Variants in DENND3 observed in about 807,000 individuals in gnomAD.
DENND3 encodes DENN domain containing 3.
A neutral mutation model predicts 135.1 loss-of-function variants in DENND3; 88 were observed. The ratio of observed to expected loss-of-function variants is 0.65; its 90% CI spans 0.55 to 0.78. The LOEUF is 0.78. Ranked by LOEUF, DENND3 falls within the 30% of genes least tolerant of loss-of-function variation. DENND3 has a pLI of 0.00. For missense variants in DENND3, 1,392 were observed against 1,688.4 expected (o/e 0.82, Z 3.08); for synonymous variants, 693 against 712.3 (o/e 0.97, Z 0.43).
chr8:141,179,876 G>A (rs577926946), intron 16 of DENND3, among the ~76,000 whole-genome samples: 1 of 152,346 alleles, frequency 6.6e-6, no homozygotes, highest in East Asian at 1.9e-4. Flanking sequence ...TAAGGGGCAG[G>A]CCCTGGACGG....
At chr8:141,142,330 C>G (rs754309875) in intron 4 of DENND3, 2 of 455,650 alleles carry the variant, frequency 4.4e-6, no homozygotes, top group Non-Finnish European at 8.8e-6. Flanking sequence ...CAACAGTTCC[C>G]TTTTGTGTCA....
chr8:141,189,995 C>G (rs182841495), intron 19 of DENND3, among the ~76,000 whole-genome samples: 4 of 152,278 alleles, frequency 2.6e-5, no homozygotes, highest in African/African-American at 9.6e-5. Context: ...CTGCGGCCCG[C>G]GGTGGTGGGA....
intron 17 of DENND3, among the ~76,000 whole-genome samples, chr8:141,183,495 A>G (rs1474316149): frequency 2.0e-5 from 3 of 149,858 alleles, no homozygotes; most frequent in African/African-American, 4.9e-5. Context: ...GAGCTTGAGC[A>G]GTCTGCCGGT....
Position 141,168,501 on chromosome 8 carries a change from C to T in DENND3, c.2251C>T (p.Arg751Trp), listed in dbSNP as rs765716871. 30 of 1,610,356 alleles carry T rather than the reference C, an allele frequency of 1.9e-5. No individual in the cohort carries two copies. Among genetic ancestry groups the T allele is most frequent in the East Asian group, 2.2e-5 (1 of 44,798 alleles). ...CGTGAAGGACGCCAGCATCATACACCGGCTGTTCGAGGCCTTGACTGTAGG... is the reference window on the plus strand; with the variant it reads ...CGTGAAGGACGCCAGCATCATACACTGGCTGTTCGAGGCCTTGACTGTAGG... ...GIVKDASIIH[R>W]LFEALTVGQE... Residue 751 changes from arginine to tryptophan, a missense_variant, in exon 13 of 23, where the codon CGG (arginine) becomes TGG (tryptophan). Arg to Trp is a moderately radical substitution (Grantham distance 101). Coordinates refer to ENST00000519811, the MANE Select transcript of DENND3 (RefSeq NM_001352890.3). The surrounding 1 kb of genome is among the most constrained non-coding windows in gnomAD (Gnocchi z 6.2).
At chr8:141,148,598 C>T (rs1398708167) in intron 5 of DENND3, among the ~76,000 whole-genome samples, 1 of 152,078 alleles carries the variant, frequency 6.6e-6, no homozygotes, top group African/African-American at 2.4e-5. Flanking sequence ...AAACTGTTTA[C>T]CTTAAATATC....
chr8:141,192,835 C>T (rs1239555114), intron 22 of DENND3, 172 bp downstream of exon 22: 3 of 1,545,910 alleles, frequency 1.9e-6, no homozygotes, highest in Middle Eastern at 3.3e-4. Context: ...GCCCACAGGT[C>T]ACCATGTGCT....
chr8:141,187,009 C>G (rs1346981956), intron 18 of DENND3, among the ~76,000 whole-genome samples: 1 of 152,206 alleles, frequency 6.6e-6, no homozygotes, highest in Non-Finnish European at 1.5e-5. Context: ...TTCTCCTGTT[C>G]TTGCTCATGG....
rs1002923701 is a variant in DENND3, at chr8:141,139,126, A to G, written c.501+989A>G. On this transcript the variant is annotated intron_variant, in intron 3 of 22. Transcript: ENST00000519811. This position sits in a 1 kb window ranked among gnomAD's most constrained non-coding sequence, Gnocchi z 4.2. ...TTTCCCGAAGCAAAAAGCGAGCCGG[A>G]GCCTTAATTTAGGTGCCCTGGTGCC... 3.3e-5 allele frequency among the ~76,000 whole-genome samples: 5 copies of G among 152,084 alleles called. No individual in the cohort carries two copies. The highest frequency in any genetic ancestry group is 9.7e-5 in the African/African-American group (4 of 41,392).
At chr8:141,163,774 A>T (rs1205266450) in intron 10 of DENND3, among the ~76,000 whole-genome samples, 1 of 151,754 alleles carries the variant, frequency 6.6e-6, no homozygotes, top group Non-Finnish European at 1.5e-5. Flanking sequence ...TGGGTGTGGT[A>T]GTGCACGCCT....
At chr8:141,133,304 G>T (rs2154612657) in intron 1 of DENND3, among the ~76,000 whole-genome samples, 1 of 137,624 alleles carries the variant, frequency 7.3e-6, no homozygotes, top group Non-Finnish European at 1.5e-5. Flanking sequence ...TGCTGCTCAG[G>T]GGTGCACTGT....
At chr8:141,184,589 T>G (rs1823645318) in intron 17 of DENND3, 1 of 152,414 alleles carries the variant, frequency 6.6e-6, no homozygotes, top group Non-Finnish European at 1.5e-5. Flanking sequence ...ATCAGGCTCA[T>G]TAGCAATTAG....
rs750622637 is a variant in DENND3, at chr8:141,150,873, C to T, written c.775C>T (p.Arg259Ter). Residue 259 changes from arginine (R) to a stop codon, truncating the protein, a stop_gained, in exon 6 of 23, where the codon CGA (arginine) becomes TGA (stop). Transcript: ENST00000519811. LOFTEE classifies it high-confidence loss of function. Reference protein sequence around the residue: ...MKSLQIVLPARADPESPILDL... With the variant: ...MKSLQIVLPA ...GTCGCTCCAGATTGTGTTACCTGCC[C>T]GAGCAGACCCCGAAAGCCCCATCCT... is the stretch of plus-strand genomic sequence containing the variant. The T allele has an allele frequency of 1.2e-5, 19 of 1,608,710 alleles. No individual in the cohort carries two copies. Among genetic ancestry groups the T allele is most frequent in the South Asian group, 6.6e-5 (6 of 90,304 alleles).
intron 20 of DENND3, 178 bp downstream of exon 20, chr8:141,190,595 G>A (rs982250553): frequency 2.0e-6 from 2 of 985,006 alleles, no homozygotes; most frequent in Non-Finnish European, 2.8e-6. Context: ...TGCTGCTCCT[G>A]GGGGCTCCCC....
intron 13 of DENND3, among the ~76,000 whole-genome samples, chr8:141,169,605 C>T (rs538647866): frequency 6.6e-6 from 1 of 152,332 alleles, no homozygotes; most frequent in Admixed American, 6.5e-5. Flanking sequence ...CTCCGTGTGC[C>T]TCTCTCCCTC....
chr8:141,129,359 A>T (rs575584434), intron 1 of DENND3, among the ~76,000 whole-genome samples: 1 of 152,258 alleles, frequency 6.6e-6, no homozygotes, highest in African/African-American at 2.4e-5. Flanking sequence ...GGCCTCGCGT[A>T]TTCTGCATGA....
At chr8:141,151,525 C>T (rs1818796382) in intron 6 of DENND3, 94 bp from the exon 7 acceptor site, 1 of 1,190,548 alleles carries the variant, frequency 8.4e-7, no homozygotes, top group East Asian at 2.4e-5. Flanking sequence ...CACACCACTG[C>T]ACTCCAGCCT....
intron 2 of DENND3, 50 bp downstream of exon 2, chr8:141,136,841 C>T (rs549699270): frequency 1.3e-6 from 2 of 1,484,776 alleles, no homozygotes; most frequent in African/African-American, 1.4e-5. Flanking sequence ...GCCGGCCACC[C>T]AGAGTGGTCT....
intron 1 of DENND3, among the ~76,000 whole-genome samples, chr8:141,134,144 TG>T (rs1300246564): frequency 6.6e-6 from 1 of 152,114 alleles, no homozygotes; most frequent in African/African-American, 2.4e-5. Flanking sequence ...GCCTTGAATG[TG>T]CACCATTAGT....
chr8:141,174,858 C>G lies in DENND3; in HGVS notation c.2276-342C>G, dbSNP rs143479242. ...CTAGTGATGAGGAAGGTCTTTGCCC[C>G]CATTAGAAGAGTGTCCTTGTCCGGA... On this transcript the variant is annotated intron_variant, in intron 13 of 22. Coordinates refer to ENST00000519811, the MANE Select transcript of DENND3 (RefSeq NM_001352890.3). The surrounding 1 kb of genome is among the most constrained non-coding windows in gnomAD (Gnocchi z 4.6). Among the ~76,000 whole-genome samples the G allele has an allele frequency of 6.6e-6, 1 of 152,284 alleles. No individual in the cohort carries two copies. The highest frequency in any genetic ancestry group is 1.9e-4 in the East Asian group (1 of 5,174).
Sources: gnomAD v4.1 joint callset for allele counts (sites outside exome capture counted in the v4.1 genomes callset) on GRCh38, gnomAD v4.1.1 for gene constraint, Gnocchi (gnomAD v3.1) non-coding constraint, MANE v1.5 for transcripts, NCBI Gene and HGNC (gene_info 2026-07-23, HGNC 2026-07-21) for gene names.